Variants in ITGB3BP observed in about 807,000 individuals in gnomAD.
The protein encoded by ITGB3BP is integrin subunit beta 3 binding protein, also known as centromere protein R.
Under a neutral mutation model 29.1 loss-of-function variants are expected in ITGB3BP, and 27 were observed. That is an observed-to-expected ratio of 0.93 (90% CI 0.68 to 1.28). The LOEUF (loss-of-function observed/expected upper bound fraction) is 1.28, where lower values mean the gene tolerates loss of function less well. Ranked by LOEUF, ITGB3BP falls within the 50% of genes most tolerant of loss-of-function variation. The probability of loss-of-function intolerance (pLI) is 0.00; values close to 1 mark genes in which losing one functional copy is unlikely to be tolerated. For missense variants in ITGB3BP, 192 were observed against 200.2 expected (o/e 0.96, Z 0.25); for synonymous variants, 61 against 61.4 (o/e 0.99, Z 0.03).
intron 4 of ITGB3BP, among the ~76,000 whole-genome samples, chr1:63,472,488 C>CGGTCTCCTTCCAT (rs1645219878): frequency 6.8e-6 from 1 of 147,140 alleles, no homozygotes; most frequent in South Asian, 2.3e-4. Context: ...CTCCTCTCCA[C>CGGTCTCCTTCCAT]GGTCTCCTTC....
intron 7 of ITGB3BP, among the ~76,000 whole-genome samples, chr1:63,447,272 G>A (rs888576389): frequency 6.6e-6 from 1 of 152,102 alleles, no homozygotes; most frequent in Non-Finnish European, 1.5e-5. Flanking sequence ...AATGAGGTAA[G>A]AAAATAGCAA....
upstream of ITGB3BP, chr1:63,525,484 T>C (rs999093936): frequency 2.8e-6 from 3 of 1,090,172 alleles, no homozygotes; most frequent in Non-Finnish European, 3.8e-6. Flanking sequence ...AAAATCTTGA[T>C]TCTCCTCCCT....
At chr1:63,502,848 AT>A (rs1358449279) in intron 2 of ITGB3BP, among the ~76,000 whole-genome samples, 1 of 151,952 alleles carries the variant, frequency 6.6e-6, no homozygotes, top group Admixed American at 6.6e-5. Context: ...TGAACTCATC[AT>A]TTTTTATGGC....
chr1:63,475,595 T>G (rs1372844989), intron 4 of ITGB3BP, among the ~76,000 whole-genome samples: 1 of 152,132 alleles, frequency 6.6e-6, no homozygotes, highest in Admixed American at 6.5e-5. Context: ...GCAGTGGTTT[T>G]AAAAAATAAA....
intron 1 of ITGB3BP, among the ~76,000 whole-genome samples, chr1:63,518,227 G>A (rs1189269675): frequency 6.6e-6 from 1 of 152,162 alleles, no homozygotes; most frequent in Admixed American, 6.5e-5. Context: ...GAATGGGTAT[G>A]TTCTCTGTAC....
At chr1:63,507,601 G>A (rs1646108794) in intron 2 of ITGB3BP, among the ~76,000 whole-genome samples, 1 of 152,160 alleles carries the variant, frequency 6.6e-6, no homozygotes, top group African/African-American at 2.4e-5. Flanking sequence ...GAACAAGTTG[G>A]ATAATGGTAT....
intron 8 of ITGB3BP, among the ~76,000 whole-genome samples, chr1:63,445,610 T>A (rs1233945963): frequency 2.0e-5 from 3 of 148,954 alleles, no homozygotes; most frequent in African/African-American, 7.7e-5. Flanking sequence ...ATTCTTTTTT[T>A]TTTTTTTGGA....
chr1:63,518,197 T>C (rs1646376700), intron 1 of ITGB3BP, among the ~76,000 whole-genome samples: 1 of 152,214 alleles, frequency 6.6e-6, no homozygotes, highest in Non-Finnish European at 1.5e-5. Context: ...CCTAGTTTGC[T>C]GAGGGTTTTA....
rs561306776 is a variant in ITGB3BP, at chr1:63,518,592, T to C, written c.5+4537A>G. 1.4e-4 allele frequency among the ~76,000 whole-genome samples: 21 copies of C among 151,568 alleles called. No homozygotes were observed. The South Asian group carries it at 4.4e-3, about 32-fold the overall frequency. On this transcript the variant is annotated intron_variant, in intron 1 of 8. Transcript: ENST00000271002. ...TACCTTTCCCTTTCTTTTCTTTCTTTTTTTTTTTTAACTTTCAACTTTGTT... is the reference window on the plus strand; with the variant it reads ...TACCTTTCCCTTTCTTTTCTTTCTTCTTTTTTTTTAACTTTCAACTTTGTT...
chr1:63,489,599 T>G (rs1645602889), intron 3 of ITGB3BP, among the ~76,000 whole-genome samples: 1 of 151,930 alleles, frequency 6.6e-6, no homozygotes, highest in Non-Finnish European at 1.5e-5. Flanking sequence ...GTAAATACAT[T>G]TGAAATAGTC....
intron 3 of ITGB3BP, among the ~76,000 whole-genome samples, chr1:63,483,589 C>T (rs1039018517): frequency 1.3e-5 from 2 of 152,086 alleles, no homozygotes; most frequent in African/African-American, 2.4e-5. Flanking sequence ...TATTTCCTTT[C>T]TACTTTGGGG....
At chr1:63,512,371 A>G (rs1274014802) in intron 1 of ITGB3BP, among the ~76,000 whole-genome samples, 1 of 152,120 alleles carries the variant, frequency 6.6e-6, no homozygotes, top group Non-Finnish European at 1.5e-5. Flanking sequence ...GTTATTGACT[A>G]ACATCAGTTA....
intron 1 of ITGB3BP, among the ~76,000 whole-genome samples, chr1:63,514,229 T>G (rs1646261568): frequency 6.6e-6 from 1 of 152,250 alleles, no homozygotes; most frequent in African/African-American, 2.4e-5. Context: ...TTAATTAATA[T>G]TCTATCTTAA....
At chr1:63,502,533 C>CT (rs1645959695) in intron 2 of ITGB3BP, among the ~76,000 whole-genome samples, 3 of 139,364 alleles carry the variant, frequency 2.2e-5, no homozygotes, top group Admixed American at 7.3e-5. Flanking sequence ...TTTTTTAATA[C>CT]TTTAAGTTTT....
intron 8 of ITGB3BP, among the ~76,000 whole-genome samples, chr1:63,445,870 A>G (rs545740233): frequency 6.1e-4 from 92 of 151,568 alleles, no homozygotes; most frequent in African/African-American, 2.2e-3. Context: ...GATTACAGGC[A>G]TGAATCACCA....
intron 2 of ITGB3BP, among the ~76,000 whole-genome samples, chr1:63,505,444 G>A (rs1646053212): frequency 6.6e-6 from 1 of 151,878 alleles, no homozygotes; most frequent in Non-Finnish European, 1.5e-5. Flanking sequence ...CAATTTTGTT[G>A]ATCTTCTCAA....
At chr1:63,476,020 G>A (rs1005562277) in intron 4 of ITGB3BP, among the ~76,000 whole-genome samples, 4 of 145,976 alleles carry the variant, frequency 2.7e-5, no homozygotes, top group Non-Finnish European at 4.5e-5. Context: ...AAAAAGAAAC[G>A]TATCATTTTC....
At chr1:63,490,005 A>C in intron 3 of ITGB3BP, 78 bp downstream of exon 3, 1 of 1,266,228 alleles carries the variant, frequency 7.9e-7, no homozygotes, top group Non-Finnish European at 1.1e-6. Context: ...CAAGATCCAT[A>C]CATAATTAAA....
At chr1:63,465,586 G>A (rs1274436062) in intron 4 of ITGB3BP, among the ~76,000 whole-genome samples, 1 of 151,892 alleles carries the variant, frequency 6.6e-6, no homozygotes, top group African/African-American at 2.4e-5. Flanking sequence ...GTAGAGATGG[G>A]ATCTCCCTAT....
Sources: gnomAD v4.1 joint callset for allele counts (sites outside exome capture counted in the v4.1 genomes callset) on GRCh38, gnomAD v4.1.1 for gene constraint, MANE v1.5 for transcripts, NCBI Gene and HGNC (gene_info 2026-07-23, HGNC 2026-07-21) for gene names.